Variants in CAMK2D observed in about 807,000 individuals in gnomAD.
The protein encoded by CAMK2D is calcium/calmodulin dependent protein kinase II delta.
CAMK2D carries 37 observed loss-of-function variants against 84.0 expected under a neutral mutation model. The ratio of observed to expected loss-of-function variants is 0.44; its 90% CI spans 0.34 to 0.58. The LOEUF is 0.58. Ranked by LOEUF, CAMK2D falls within the 20% of genes least tolerant of loss-of-function variation. CAMK2D has a pLI of 0.02. For synonymous variants in CAMK2D, 202 were observed against 212.5 expected (o/e 0.95, Z 0.43); for missense variants, 448 against 652.5 (o/e 0.69, Z 3.41).
chr4:113,597,715 C>T (rs896957225), intron 4 of CAMK2D, among the ~76,000 whole-genome samples: 2 of 152,240 alleles, frequency 1.3e-5, no homozygotes, highest in African/African-American at 2.4e-5. Context: ...AGCTAACTGG[C>T]GCACAGGTCT....
intron 6 of CAMK2D, among the ~76,000 whole-genome samples, chr4:113,545,469 T>C (rs1417471051): frequency 6.6e-6 from 1 of 152,182 alleles, no homozygotes; most frequent in East Asian, 1.9e-4. Flanking sequence ...GTTTAAGGCC[T>C]GGTAATAAAA....
At chr4:113,490,613 C>A (rs2097825881) in intron 16 of CAMK2D, among the ~76,000 whole-genome samples, 1 of 151,484 alleles carries the variant, frequency 6.6e-6, no homozygotes, top group Admixed American at 6.6e-5. Context: ...TTAGGACTGA[C>A]TTGGCGATGC....
intron 3 of CAMK2D, among the ~76,000 whole-genome samples, chr4:113,634,207 C>T (rs1270069371): frequency 6.6e-6 from 1 of 152,192 alleles, no homozygotes; most frequent in Non-Finnish European, 1.5e-5. Flanking sequence ...TCCTGTACAG[C>T]TGTCTATATT....
chr4:113,508,226 A>C, intron 13 of CAMK2D: 1 of 1,538,948 alleles, frequency 6.5e-7, no homozygotes. Flanking sequence ...TCTGGCAGAT[A>C]GATCCTCACC....
At chr4:113,713,508 A>G (rs889968879) in intron 2 of CAMK2D, among the ~76,000 whole-genome samples, 1 of 148,302 alleles carries the variant, frequency 6.7e-6, no homozygotes, top group African/African-American at 2.4e-5. Flanking sequence ...TAACAATATT[A>G]TATATAGTAT....
chr4:113,506,693 C>A (rs1272804256), intron 13 of CAMK2D, among the ~76,000 whole-genome samples: 5 of 152,068 alleles, frequency 3.3e-5, no homozygotes, highest in Admixed American at 2.6e-4. Context: ...TAAAGCACCA[C>A]ATGTATTTAA....
intron 2 of CAMK2D, among the ~76,000 whole-genome samples, chr4:113,672,300 G>T (rs1405556001): frequency 6.6e-6 from 1 of 152,086 alleles, no homozygotes; most frequent in East Asian, 1.9e-4. Context: ...TACAGACTCT[G>T]CCAAGAATGA....
intron 16 of CAMK2D, among the ~76,000 whole-genome samples, chr4:113,465,841 A>G (rs17629754): frequency 0.061 from 9,312 of 152,084 alleles, 572 homozygotes; most frequent in East Asian, 0.21. Context: ...TCTGCATTTT[A>G]ACATGACTCT....
intron 2 of CAMK2D, chr4:113,754,217 C>T (rs764829773): frequency 2.1e-6 from 2 of 970,380 alleles, no homozygotes; most frequent in South Asian, 4.8e-5. Flanking sequence ...TCATTAATTG[C>T]CAATGATTTA....
intron 2 of CAMK2D, among the ~76,000 whole-genome samples, chr4:113,701,714 TTTTG>T (rs1225125009): frequency 6.6e-6 from 1 of 152,024 alleles, no homozygotes; most frequent in African/African-American, 2.4e-5. Flanking sequence ...GTTGTTGTTG[TTTTG>T]TTTTTTTTTG....
At chr4:113,468,602 G>T (rs1484899163) in intron 16 of CAMK2D, among the ~76,000 whole-genome samples, 1 of 152,128 alleles carries the variant, frequency 6.6e-6, no homozygotes. Flanking sequence ...GAAGAGCGAG[G>T]GTTTGGTGTT....
rs187845877 is a variant in CAMK2D, at chr4:113,667,352, C to T, written c.161-5580G>A. Among the ~76,000 whole-genome samples the T allele has an allele frequency of 3.7e-3, 559 of 152,024 alleles. 8 individuals carry two copies. The highest frequency in any genetic ancestry group is 0.013 in the African/African-American group (521 of 41,476). On this transcript the variant is annotated intron_variant, in intron 2 of 20. Coordinates refer to ENST00000511664, the MANE Select transcript of CAMK2D (RefSeq NM_001321571.2). ...CTTCTTTTTTCACAATTGCTGTGAACGGAGAAATAGAGAAAACAAAAGCTT... is the reference window on the plus strand; with the variant it reads ...CTTCTTTTTTCACAATTGCTGTGAATGGAGAAATAGAGAAAACAAAAGCTT...
At chr4:113,647,343 A>C (rs1452164708) in intron 3 of CAMK2D, among the ~76,000 whole-genome samples, 1 of 152,148 alleles carries the variant, frequency 6.6e-6, no homozygotes, top group African/African-American at 2.4e-5. Context: ...AAAGCAGTTT[A>C]TTTTCTTTAA....
chr4:113,649,026 C>T (rs1013839251), intron 3 of CAMK2D, among the ~76,000 whole-genome samples: 2 of 152,140 alleles, frequency 1.3e-5, no homozygotes, highest in Admixed American at 6.6e-5. Flanking sequence ...TCTCTAGTCA[C>T]GCAAACTAGA....
intron 9 of CAMK2D, 139 bp from the exon 10 acceptor site, chr4:113,515,330 A>G: frequency 1.8e-6 from 1 of 563,890 alleles, no homozygotes; most frequent in South Asian, 2.4e-5. Flanking sequence ...AGTTGTATCT[A>G]AAATAAATAA....
chr4:113,741,314 TGAA>T (rs144362106), intron 2 of CAMK2D, among the ~76,000 whole-genome samples: 52 of 152,316 alleles, frequency 3.4e-4, no homozygotes, highest in South Asian at 1.2e-3. Flanking sequence ...CATGAAATTG[TGAA>T]GAAGGAGAAA....
intron 4 of CAMK2D, among the ~76,000 whole-genome samples, chr4:113,588,762 A>T (rs1161537101): frequency 6.6e-6 from 1 of 152,172 alleles, no homozygotes; most frequent in Non-Finnish European, 1.5e-5. Flanking sequence ...TGCTCTAGAC[A>T]CTGGGGATAA....
At chr4:113,644,058 G>T (rs182499897) in intron 3 of CAMK2D, among the ~76,000 whole-genome samples, 1 of 152,210 alleles carries the variant, frequency 6.6e-6, no homozygotes, top group East Asian at 1.9e-4. Flanking sequence ...ATTATTGTCA[G>T]AAGAAGTTTG....
chr4:113,489,801 CTGT>C (rs1368798626), intron 16 of CAMK2D, among the ~76,000 whole-genome samples: 2 of 121,088 alleles, frequency 1.7e-5, no homozygotes, highest in East Asian at 4.5e-4. Flanking sequence ...TCTCCAGCAC[CTGT>C]TGTTTCCTGA....
Sources: gnomAD v4.1 joint callset for allele counts (sites outside exome capture counted in the v4.1 genomes callset) on GRCh38, gnomAD v4.1.1 for gene constraint, MANE v1.5 for transcripts, NCBI Gene and HGNC (gene_info 2026-07-23, HGNC 2026-07-21) for gene names.